TXNRD1: variants seen among roughly 807,000 people sequenced by gnomAD.
TXNRD1 encodes the protein thioredoxin reductase 1.
In TXNRD1, 57 loss-of-function variants were observed where a neutral mutation model predicts 80.3. That is an observed-to-expected ratio of 0.71 (90% CI 0.57 to 0.89). TXNRD1 has a LOEUF of 0.89. Among genes scored for constraint, TXNRD1 ranks in the 40% least tolerant of loss-of-function variants. TXNRD1 has a pLI of 0.00. For missense variants in TXNRD1, 730 were observed against 803.0 expected (o/e 0.91, Z 1.10); for synonymous variants, 291 against 285.2 (o/e 1.02, Z -0.20).
intron 4 of TXNRD1, among the ~76,000 whole-genome samples, chr12:104,307,165 T>C (rs973781744): frequency 6.6e-6 from 1 of 152,220 alleles, no homozygotes; most frequent in African/African-American, 2.4e-5. Context: ...TTAAACTGAC[T>C]GCTTACCTTG....
chr12:104,332,786 T>TATTATAG (rs2036003962), intron 14 of TXNRD1, among the ~76,000 whole-genome samples: 1 of 151,230 alleles, frequency 6.6e-6, no homozygotes, highest in Non-Finnish European at 1.5e-5. Context: ...AGTATATCTT[T>TATTATAG]ATTATAGGAA....
chr12:104,217,643 C>T (rs1321922709), intron 1 of TXNRD1, among the ~76,000 whole-genome samples: 1 of 152,140 alleles, frequency 6.6e-6, no homozygotes, highest in Non-Finnish European at 1.5e-5. Context: ...CAGTTTTCAG[C>T]AGTATTAAGT....
chr12:104,323,394 C>T lies in TXNRD1; in HGVS notation c.1216-1943C>T, dbSNP rs1246388135. On this transcript the variant is annotated intron_variant, in intron 10 of 16. Transcript: ENST00000525566. ...AGTAGGGGCGGCCGGGGCGGCTGGC[C>T]GGGCGGGGGGCTGACCCCCCACCTC... Among the ~76,000 whole-genome samples, 4 of 150,220 alleles carry T rather than the reference C, an allele frequency of 2.7e-5. 1 individual carries two copies. Among genetic ancestry groups the T allele is most frequent in the South Asian group, 4.2e-4 (2 of 4,722 alleles).
chr12:104,261,268 A>G (rs1285410580), intron 3 of TXNRD1, among the ~76,000 whole-genome samples: 1 of 151,816 alleles, frequency 6.6e-6, no homozygotes, highest in East Asian at 1.9e-4. Context: ...GGTTCGAGCG[A>G]TTCTCCTGCC....
At chr12:104,242,518 A>G (rs1032624361) in intron 1 of TXNRD1, among the ~76,000 whole-genome samples, 4 of 151,922 alleles carry the variant, frequency 2.6e-5, no homozygotes, top group African/African-American at 9.7e-5. Flanking sequence ...ATTGCAATCC[A>G]GCATGGGCGA....
In TXNRD1 at chr12:104,278,490, C is replaced by T. The variant is rs1357593514; in HGVS notation, c.305-10441C>T. On this transcript the variant is annotated intron_variant, in intron 3 of 16. Transcript: ENST00000525566. ...CTGGGATTACAGGCTTGAGCCATTG[C>T]GCCCAGCCTAATTTTTTTTTTTTTT... 1.0e-4 allele frequency among the ~76,000 whole-genome samples: 14 copies of T among 139,176 alleles called. No homozygotes were observed. In the South Asian group the frequency reaches 2.1e-3, roughly 21 times the overall value. The allele number at this position is 139,176 out of a possible 152,430, so 91.3% of individuals were successfully genotyped here. A position where few individuals can be genotyped will look rare whatever the true frequency, so the allele number is the denominator to read the frequency against.
intron 4 of TXNRD1, among the ~76,000 whole-genome samples, chr12:104,302,021 G>C (rs1565887273): frequency 6.6e-6 from 1 of 152,174 alleles, no homozygotes; most frequent in Non-Finnish European, 1.5e-5. Context: ...CAGTACATAA[G>C]TGCATCTCCG....
At chr12:104,227,296 C>G (rs552190588) in intron 1 of TXNRD1, among the ~76,000 whole-genome samples, 1 of 152,088 alleles carries the variant, frequency 6.6e-6, no homozygotes, top group East Asian at 1.9e-4. Context: ...GGGTCTTGCT[C>G]TGTCACCCAG....
chr12:104,334,731 C>T (rs893743695), intron 15 of TXNRD1, among the ~76,000 whole-genome samples: 3 of 152,158 alleles, frequency 2.0e-5, no homozygotes, highest in Non-Finnish European at 4.4e-5. Context: ...TTCAGTATTT[C>T]GCGTGCCAGT....
At chr12:104,342,099 T>A (rs1338376848) in intron 16 of TXNRD1, among the ~76,000 whole-genome samples, 1 of 152,042 alleles carries the variant, frequency 6.6e-6, no homozygotes, top group Non-Finnish European at 1.5e-5. Context: ...ACCCCTTATT[T>A]AGGGGTGTTT....
intron 4 of TXNRD1, among the ~76,000 whole-genome samples, chr12:104,297,245 C>T (rs980313116): frequency 2.8e-5 from 4 of 143,986 alleles, no homozygotes; most frequent in African/African-American, 7.8e-5. Flanking sequence ...GTGGAGGTTG[C>T]GGTGAGCGGA....
intron 3 of TXNRD1, among the ~76,000 whole-genome samples, chr12:104,259,071 C>T (rs1215168883): frequency 6.6e-6 from 1 of 152,100 alleles, no homozygotes; most frequent in Non-Finnish European, 1.5e-5. Context: ...AGCTTCTGCT[C>T]AGTCTCCAAA....
At chr12:104,283,542 AC>A (rs1362159964) in intron 3 of TXNRD1, among the ~76,000 whole-genome samples, 26 of 151,228 alleles carry the variant, frequency 1.7e-4, no homozygotes, top group Admixed American at 2.0e-4. Context: ...GAGCCATTGC[AC>A]CCGGCCTCAC....
In TXNRD1 at chr12:104,246,106, C is replaced by T. The variant is rs138678742; in HGVS notation, c.92-5421C>T. On this transcript the variant is annotated intron_variant, in intron 1 of 16. Transcript: ENST00000525566. Reference sequence around the variant, plus strand: ...CCAGCCTGGAGCCTGGGCGATACAGCGAGACTCTGTCTCAAAAAAAAAAAA... The same window carrying T: ...CCAGCCTGGAGCCTGGGCGATACAGTGAGACTCTGTCTCAAAAAAAAAAAA... Among the ~76,000 whole-genome samples, 827 of 109,342 alleles carry T rather than the reference C, an allele frequency of 7.6e-3. 9 individuals carry two copies. The highest frequency in any genetic ancestry group is 0.028 in the African/African-American group (763 of 27,258). 71.7% of individuals were successfully genotyped at this position (109,342 alleles called of 152,430 possible).
intron 4 of TXNRD1, among the ~76,000 whole-genome samples, chr12:104,310,677 T>A (rs990590087): frequency 1.3e-5 from 2 of 152,216 alleles, no homozygotes; most frequent in Non-Finnish European, 2.9e-5. Context: ...GTCTGTTACT[T>A]GCTAAGTATA....
At chr12:104,288,223 T>A (rs1391935518) in intron 3 of TXNRD1, among the ~76,000 whole-genome samples, 9 of 152,332 alleles carry the variant, frequency 5.9e-5, no homozygotes, top group African/African-American at 1.9e-4. Flanking sequence ...ACTCCTGACC[T>A]CATGATCCAC....
intron 4 of TXNRD1, among the ~76,000 whole-genome samples, chr12:104,305,677 A>G (rs1464389692): frequency 2.0e-5 from 3 of 152,248 alleles, no homozygotes; most frequent in African/African-American, 4.8e-5. Context: ...CTGGGCAACA[A>G]TTGAATAACT....
At chr12:104,244,826 G>C (rs186755601) in intron 1 of TXNRD1, among the ~76,000 whole-genome samples, 19 of 152,258 alleles carry the variant, frequency 1.2e-4, no homozygotes, top group Non-Finnish European at 1.0e-4. Context: ...ATTGAAGACA[G>C]GGAAAAGAAA....
intron 4 of TXNRD1, chr12:104,289,246 A>T (rs11111980): frequency 2.0e-6 from 1 of 490,444 alleles, no homozygotes; most frequent in Non-Finnish European, 3.6e-6. Flanking sequence ...GGGAAACTTG[A>T]AATTTCTAAC....
Sources: allele counts gnomAD v4.1 joint callset (sites outside exome capture counted in the v4.1 genomes callset), GRCh38; gene constraint gnomAD v4.1.1; transcripts MANE v1.5; gene names NCBI Gene and HGNC (gene_info 2026-07-23, HGNC 2026-07-21).